The following LPP variants were observed in gnomAD, a reference collection of about 807,000 sequenced individuals.
LPP encodes the protein LIM domain containing preferred translocation partner in lipoma.
Under a neutral mutation model 60.4 loss-of-function variants are expected in LPP, and 38 were observed. The observed-to-expected ratio is 0.63, with a 90% CI of 0.49 to 0.83. The LOEUF (loss-of-function observed/expected upper bound fraction) is 0.83. Ranked by LOEUF, LPP falls within the 40% of genes least tolerant of loss-of-function variation. The pLI, the probability that LPP is intolerant of heterozygous loss-of-function variation, is 0.00. For missense variants in LPP, 902 were observed against 783.6 expected, an observed-to-expected ratio of 1.15 and a Z score of -1.80; for synonymous variants, 328 against 290.8, an observed-to-expected ratio of 1.13 and a Z score of -1.30.
intron 2 of LPP, among the ~76,000 whole-genome samples, chr3:188,316,556 C>T (rs1179914689): frequency 6.6e-6 from 1 of 152,192 alleles, no homozygotes; most frequent in Non-Finnish European, 1.5e-5. Context: ...ACCTTGGACA[C>T]TTTAGGCTAA....
chr3:188,328,131 A>C (rs1758957001), intron 2 of LPP, among the ~76,000 whole-genome samples: 1 of 152,164 alleles, frequency 6.6e-6, no homozygotes, highest in Non-Finnish European at 1.5e-5. Context: ...TACTATACCA[A>C]AACTTGACAG....
intron 9 of LPP, among the ~76,000 whole-genome samples, chr3:188,817,688 T>C (rs1457522011): frequency 6.6e-6 from 1 of 152,160 alleles, no homozygotes; most frequent in Non-Finnish European, 1.5e-5. Context: ...AGAGGAGACC[T>C]GTTTGACTTT....
rs578174948 is a variant in LPP, at chr3:188,627,542, C to CA, written c.1113+17705dup. Among the ~76,000 whole-genome samples the CA allele has an allele frequency of 3.0e-3, 455 of 151,706 alleles. 3 individuals are homozygous for CA. The highest frequency in any genetic ancestry group is 0.011 in the African/African-American group (437 of 41,418). ...GTAAACCAACAATGATTCAAAAGGACAAAAAAAGGGCATTACATAATGATA... is the reference window on the plus strand; with the variant it reads ...GTAAACCAACAATGATTCAAAAGGACAAAAAAAAGGGCATTACATAATGATA... On this transcript the variant is annotated intron_variant, in intron 7 of 11. Coordinates refer to ENST00000617246, the MANE Select transcript of LPP (RefSeq NM_001375462.1).
chr3:188,240,245 T>G (rs189239275), intron 2 of LPP: 1 of 174,618 alleles, frequency 5.7e-6, no homozygotes, highest in Admixed American at 6.3e-5. Context: ...TATCAAATTT[T>G]AAGCCAAAAA....
intron 4 of LPP, among the ~76,000 whole-genome samples, chr3:188,458,519 A>G (rs1798270169): frequency 6.6e-6 from 1 of 152,168 alleles, no homozygotes; most frequent in Non-Finnish European, 1.5e-5. Flanking sequence ...AACATATACA[A>G]AGGGATGAGA....
In LPP at chr3:188,426,704, T is replaced by C. The variant is rs1039138087; in HGVS notation, c.193+20391T>C. Among the ~76,000 whole-genome samples, 5 of 152,200 alleles carry C rather than the reference T, an allele frequency of 3.3e-5. 1 individual carries two copies. The highest frequency in any genetic ancestry group is 1.2e-4 in the African/African-American group (5 of 41,458). On this transcript the variant is annotated intron_variant, in intron 4 of 11. Coordinates refer to ENST00000617246, the MANE Select transcript of LPP (RefSeq NM_001375462.1). ...TTGCGTTGCTCCCTTTACCATTATA[T>C]AATGGCCTTCTTTGTCTTTTTTATC... is the stretch of plus-strand genomic sequence containing the variant.
rs1837681243 is a variant in LPP at position 188,587,270 on chromosome 3, G to C, written c.430-21891G>C. On this transcript the variant is annotated intron_variant, in intron 6 of 11. Transcript: ENST00000617246. ...AGGCAGGAGAATGGCGTGAACCCGG[G>C]AAGCGGAGCTTGCAGTGAGCCGAGA... 2.7e-4 allele frequency among the ~76,000 whole-genome samples: 3 copies of C among 11,252 alleles called. 1 individual carries two copies. Among genetic ancestry groups the C allele is most frequent in the African/African-American group, 4.7e-4 (3 of 6,346 alleles). The allele number at this position is 11,252 out of a possible 152,430, so 7.4% of individuals were successfully genotyped here.
At position 188,760,179 on chromosome 3, in the gene LPP, T is replaced by A; in HGVS notation, c.1307T>A (p.Val436Asp). The change falls in exon 9 of 12, where the codon GTC becomes GAC. Residue 436 changes from valine to aspartate, a missense_variant. Val to Asp is a radical substitution (Grantham distance 152). Transcript: ENST00000617246. The stretch of plus-strand genomic sequence containing the variant: ...ACAGGATGCACTGCCATGGATCAGG[T>A]CTTCCACGTGGATTGTTTTACCTGC... ...EGTGCTAMDQ[V>D]FHVDCFTCII... is the part of the protein sequence containing the mutation. 1 of 1,613,968 alleles carries A rather than the reference T, an allele frequency of 6.2e-7. No individual in the cohort carries two copies. Among genetic ancestry groups the A allele is most frequent in the Non-Finnish European group, 8.5e-7 (1 of 1,179,942 alleles).
At chr3:188,359,723 A>G (rs1186896709) in intron 3 of LPP, among the ~76,000 whole-genome samples, 1 of 152,098 alleles carries the variant, frequency 6.6e-6, no homozygotes, top group African/African-American at 2.4e-5. Context: ...TTGTCTTACA[A>G]CTTGAGCTTT....
chr3:188,362,389 A>G (rs1252906629), intron 3 of LPP, among the ~76,000 whole-genome samples: 2 of 152,070 alleles, frequency 1.3e-5, no homozygotes, highest in Non-Finnish European at 2.9e-5. Flanking sequence ...TTTACTGGAT[A>G]TCCTTTTTGC....
chr3:188,609,339 C>T lies in LPP; in HGVS notation c.608C>T (p.Pro203Leu), dbSNP rs148712844. ...CCAATCGGAACACTCAAACCCCAGC[C>T]TCAGCCAGTCCCAGCCTCCTACACC... is the stretch of plus-strand genomic sequence containing the variant. Reference protein sequence around the residue: ...VAPIGTLKPQPQPVPASYTTA... With the variant: ...VAPIGTLKPQLQPVPASYTTA... The change falls in exon 7 of 12, where the codon CCT (proline) becomes CTT (leucine). Residue 203 changes from proline (P) to leucine (L), a missense_variant. Physicochemically the swap from Pro to Leu is moderately conservative, Grantham distance 98. Transcript: ENST00000617246. The surrounding 1 kb of genome is among the most constrained non-coding windows in gnomAD (Gnocchi z 6.9). 3.8e-5 allele frequency: 61 copies of T among 1,614,162 alleles called. No homozygotes were observed. The highest frequency in any genetic ancestry group is 3.2e-5 in the Non-Finnish European group (38 of 1,180,034).
At chr3:188,245,315 G>A (rs546195584) in intron 2 of LPP, among the ~76,000 whole-genome samples, 8 of 152,282 alleles carry the variant, frequency 5.3e-5, no homozygotes, top group African/African-American at 1.9e-4. Context: ...GTTTCATCAT[G>A]TTGGTCATGC....
intron 3 of LPP, among the ~76,000 whole-genome samples, chr3:188,364,676 G>A (rs773149230): frequency 2.0e-5 from 3 of 152,174 alleles, no homozygotes; most frequent in Admixed American, 6.5e-5. Context: ...ATTTGAATTC[G>A]ACCTGGCAGA....
chr3:188,368,799 C>G (rs1220791802), intron 3 of LPP, among the ~76,000 whole-genome samples: 1 of 151,650 alleles, frequency 6.6e-6, no homozygotes, highest in East Asian at 1.9e-4. Flanking sequence ...TGAGAAGACC[C>G]TCTATAGGAC....
intron 1 of LPP, among the ~76,000 whole-genome samples, chr3:188,215,125 A>G (rs569308642): frequency 8.6e-5 from 13 of 152,002 alleles, no homozygotes; most frequent in Non-Finnish European, 1.6e-4. Flanking sequence ...GGCCAACGTG[A>G]TGAATCCCCA....
intron 4 of LPP, among the ~76,000 whole-genome samples, chr3:188,426,702 T>C (rs1460856774): frequency 6.6e-6 from 1 of 152,208 alleles, no homozygotes; most frequent in Admixed American, 6.5e-5. Flanking sequence ...TTTACCATTA[T>C]ATAATGGCCT....
intron 2 of LPP, among the ~76,000 whole-genome samples, chr3:188,252,554 G>C (rs1251069621): frequency 6.6e-6 from 1 of 152,008 alleles, no homozygotes; most frequent in Non-Finnish European, 1.5e-5. Flanking sequence ...ATTTTTCTCT[G>C]ATGGAATGTC....
At chr3:188,512,775 A>G (rs1816193580) in intron 5 of LPP, among the ~76,000 whole-genome samples, 1 of 152,194 alleles carries the variant, frequency 6.6e-6, no homozygotes, top group Non-Finnish European at 1.5e-5. Flanking sequence ...GCTAATGTAT[A>G]AAGTTAACAT....
intron 9 of LPP, among the ~76,000 whole-genome samples, chr3:188,827,923 C>A (rs890413626): frequency 6.6e-6 from 1 of 152,190 alleles, no homozygotes; most frequent in African/African-American, 2.4e-5. Flanking sequence ...CTCCTACCTT[C>A]CTCTCTGTCT....
Sources: allele counts gnomAD v4.1 joint callset (sites outside exome capture counted in the v4.1 genomes callset), GRCh38; gene constraint gnomAD v4.1.1; non-coding constraint Gnocchi (gnomAD v3.1); transcripts MANE v1.5; gene names NCBI Gene and HGNC (gene_info 2026-07-23, HGNC 2026-07-21).